Variants in SSH2 observed in about 807,000 individuals in gnomAD.
SSH2 encodes slingshot protein phosphatase 2.
A neutral mutation model predicts 135.2 loss-of-function variants in SSH2; 37 were observed. That is an observed-to-expected ratio of 0.27 (90% CI 0.21 to 0.36). The LOEUF (loss-of-function observed/expected upper bound fraction) is 0.36. Ranked by LOEUF, SSH2 falls within the 10% of genes least tolerant of loss-of-function variation. SSH2 has a pLI of 1.00. For synonymous variants in SSH2, 628 were observed against 646.2 expected (o/e 0.97, Z 0.43); for missense variants, 1,408 against 1,765.3 (o/e 0.80, Z 3.63).
At chr17:29,835,543 G>C (rs531142836) in intron 2 of SSH2, among the ~76,000 whole-genome samples, 20 of 152,196 alleles carry the variant, frequency 1.3e-4, no homozygotes, top group Middle Eastern at 6.8e-3. Flanking sequence ...TCAGCTCCTG[G>C]ACCAGGCCCT....
chr17:29,719,958 C>T (rs1454498794), intron 3 of SSH2, among the ~76,000 whole-genome samples: 1 of 152,158 alleles, frequency 6.6e-6, no homozygotes, highest in Non-Finnish European at 1.5e-5. Flanking sequence ...GGGGTTTCAC[C>T]ATGTTGGCCA....
At chr17:29,653,445 TATG>T (rs2036656077) in intron 12 of SSH2, among the ~76,000 whole-genome samples, 1 of 152,266 alleles carries the variant, frequency 6.6e-6, no homozygotes. Context: ...AAGCAAATGA[TATG>T]ATGGGTCTCA....
At chr17:29,759,563 C>T (rs1172939584) in intron 3 of SSH2, among the ~76,000 whole-genome samples, 1 of 152,138 alleles carries the variant, frequency 6.6e-6, no homozygotes, top group Non-Finnish European at 1.5e-5. Flanking sequence ...TCTTCAAATA[C>T]AAATTTCCTA....
chr17:29,846,098 G>A (rs1397940501), intron 2 of SSH2, among the ~76,000 whole-genome samples: 1 of 150,804 alleles, frequency 6.6e-6, no homozygotes. Context: ...GAGTGCAGTG[G>A]TGCAATCTTG....
intron 3 of SSH2, among the ~76,000 whole-genome samples, chr17:29,714,417 G>T (rs2039542856): frequency 6.6e-6 from 1 of 152,126 alleles, no homozygotes; most frequent in African/African-American, 2.4e-5. Flanking sequence ...CAAGCATTTG[G>T]CCTAAGTGTC....
chr17:29,660,927 C>A (rs558667426), intron 11 of SSH2, among the ~76,000 whole-genome samples: 3 of 151,464 alleles, frequency 2.0e-5, no homozygotes, highest in East Asian at 2.0e-4. Context: ...TATGGTGGTG[C>A]GTGCGTGCCT....
At chr17:29,761,511 C>T (rs112738683) in intron 3 of SSH2, 3 of 868,052 alleles carry the variant, frequency 3.5e-6, no homozygotes, top group East Asian at 1.2e-4. Flanking sequence ...AGGGTAGGCC[C>T]GGCCGGCGCC....
rs975379542 is a variant in SSH2 at position 29,715,158 on chromosome 17, C to T, written c.189-12096G>A. Reference sequence around the variant, plus strand: ...CTGGGATTACAGACGTGAGCCACTGCGCCCGGTGATTCCTCGGTTTTTTCT... The same window carrying T: ...CTGGGATTACAGACGTGAGCCACTGTGCCCGGTGATTCCTCGGTTTTTTCT... On this transcript the variant is annotated intron_variant, in intron 3 of 15. Coordinates refer to ENST00000540801, the MANE Select transcript of SSH2 (RefSeq NM_001282129.2). Among the ~76,000 whole-genome samples, 17 of 152,134 alleles carry T rather than the reference C, an allele frequency of 1.1e-4. 1 individual carries two copies. The highest frequency in any genetic ancestry group is 6.8e-3 in the Middle Eastern group (2 of 294).
intron 1 of SSH2, among the ~76,000 whole-genome samples, chr17:29,874,034 T>C (rs751004559): frequency 6.6e-6 from 1 of 152,202 alleles, no homozygotes; most frequent in Non-Finnish European, 1.5e-5. Context: ...AGCTCATGCC[T>C]GTAATCCCAG....
intron 2 of SSH2, among the ~76,000 whole-genome samples, chr17:29,829,955 T>TG (rs1209733843): frequency 1.2e-4 from 18 of 151,536 alleles, no homozygotes; most frequent in Non-Finnish European, 2.6e-4. Context: ...TTCTCCTGCC[T>TG]CAGCCTCCCG....
At chr17:29,796,214 T>C (rs1010147048) in intron 2 of SSH2, among the ~76,000 whole-genome samples, 1 of 152,244 alleles carries the variant, frequency 6.6e-6, no homozygotes, top group Non-Finnish European at 1.5e-5. Flanking sequence ...TTCTATTATG[T>C]GACTACTATC....
At chr17:29,712,843 G>T (rs973085711) in intron 3 of SSH2, among the ~76,000 whole-genome samples, 2 of 152,050 alleles carry the variant, frequency 1.3e-5, no homozygotes, top group Non-Finnish European at 2.9e-5. Flanking sequence ...TTGTAACAGA[G>T]AATCTAATAT....
At chr17:29,848,363 G>A (rs894197031) in intron 2 of SSH2, among the ~76,000 whole-genome samples, 6 of 152,148 alleles carry the variant, frequency 3.9e-5, no homozygotes, top group Admixed American at 2.0e-4. Context: ...TGATCAGGTC[G>A]GGTTTCCAGT....
At chr17:29,673,462 C>T (rs989091893) in intron 8 of SSH2, among the ~76,000 whole-genome samples, 53 of 151,464 alleles carry the variant, frequency 3.5e-4, no homozygotes, top group Admixed American at 9.9e-4. Context: ...CCTAGGTACT[C>T]GGGAGGCTGA....
chr17:29,912,541 A>C (rs1251643875), intron 1 of SSH2, among the ~76,000 whole-genome samples: 1 of 152,176 alleles, frequency 6.6e-6, no homozygotes, highest in East Asian at 1.9e-4. Flanking sequence ...ACCCTGGACA[A>C]TATAGTGAGA....
chr17:29,902,585 C>T (rs535684499), intron 1 of SSH2, among the ~76,000 whole-genome samples: 17 of 151,464 alleles, frequency 1.1e-4, no homozygotes, highest in African/African-American at 3.9e-4. Context: ...CAGTTTCTAT[C>T]ATTTAACATC....
chr17:29,627,867 A>G lies in SSH2; in HGVS notation c.*2974T>C, dbSNP rs112952308. 1.3e-5 allele frequency: 2 copies of G among 152,214 alleles called. No individual in the cohort carries two copies. The highest frequency in any genetic ancestry group is 4.8e-5 in the African/African-American group (2 of 41,436). The allele number at this position is 152,214 out of a possible 1,614,324, so 9.4% of individuals were successfully genotyped here. On this transcript the variant is annotated 3_prime_UTR_variant, in exon 16 of 16. Coordinates refer to ENST00000540801, the MANE Select transcript of SSH2 (RefSeq NM_001282129.2). ...ACATCAACTGTTTTTATATATGTACATATGTGTACACATGCACATACACTC... is the reference window on the plus strand; with the variant it reads ...ACATCAACTGTTTTTATATATGTACGTATGTGTACACATGCACATACACTC...
At position 29,640,267 on chromosome 17, in the gene SSH2, G is replaced by C. The variant is rs2036097578; in HGVS notation, c.1428-3465C>G. Among the ~76,000 whole-genome samples, 10 of 151,990 alleles carry C rather than the reference G, an allele frequency of 6.6e-5. No individual in the cohort carries two copies. In the South Asian group the frequency reaches 2.1e-3, roughly 32 times the overall value. On this transcript the variant is annotated intron_variant, in intron 14 of 15. Coordinates refer to ENST00000540801, the MANE Select transcript of SSH2 (RefSeq NM_001282129.2). Reference sequence around the variant, plus strand: ...CTATTTTTGTATTTTTAGTAGAGACGGGGTTTCACCGTGTTAGCCAGGATG... The same window carrying C: ...CTATTTTTGTATTTTTAGTAGAGACCGGGTTTCACCGTGTTAGCCAGGATG...
At chr17:29,679,407 A>AC (rs2037872877) in intron 6 of SSH2, among the ~76,000 whole-genome samples, 3 of 147,290 alleles carry the variant, frequency 2.0e-5, no homozygotes. Flanking sequence ...ATTTATTTTT[A>AC]TTTTTTTTTT....
Sources: allele counts gnomAD v4.1 joint callset (sites outside exome capture counted in the v4.1 genomes callset), GRCh38; gene constraint gnomAD v4.1.1; transcripts MANE v1.5; gene names NCBI Gene and HGNC (gene_info 2026-07-23, HGNC 2026-07-21).